Variants in LYPD6B observed in about 807,000 individuals in gnomAD.
LYPD6B encodes ly6/PLAUR domain-containing protein 6B.
LYPD6B carries 17 observed loss-of-function variants against 22.8 expected under a neutral mutation model. That is an observed-to-expected ratio of 0.75 (90% CI 0.51 to 1.12). The LOEUF is 1.12. Ranked by LOEUF, LYPD6B falls within the 50% of genes most tolerant of loss-of-function variation. LYPD6B has a pLI of 0.00. For synonymous variants in LYPD6B, 106 were observed against 91.6 expected, an observed-to-expected ratio of 1.16 and a Z score of -0.90; for missense variants, 221 against 258.3, an observed-to-expected ratio of 0.86 and a Z score of 0.99.
At chr2:149,173,116 G>T (rs1690966781) in intron 3 of LYPD6B, among the ~76,000 whole-genome samples, 1 of 151,306 alleles carries the variant, frequency 6.6e-6, no homozygotes, top group Admixed American at 6.6e-5. Context: ...GAAGAATTTT[G>T]TTTGATTCAG....
chr2:149,177,206 C>G (rs929529046), intron 3 of LYPD6B, among the ~76,000 whole-genome samples: 1 of 152,118 alleles, frequency 6.6e-6, no homozygotes, highest in African/African-American at 2.4e-5. Context: ...ATTTGATTAG[C>G]GTTGCATGGA....
intron 3 of LYPD6B, among the ~76,000 whole-genome samples, chr2:149,204,172 T>G (rs1465895034): frequency 6.6e-6 from 1 of 152,206 alleles, no homozygotes; most frequent in Non-Finnish European, 1.5e-5. Context: ...CATTTGACGC[T>G]CACATTTACC....
chr2:149,064,526 A>G (rs896894826), intron 1 of LYPD6B, among the ~76,000 whole-genome samples: 4 of 152,220 alleles, frequency 2.6e-5, no homozygotes, highest in African/African-American at 9.6e-5. Context: ...GATAGCAATG[A>G]CTATAGTATT....
At chr2:149,141,686 A>G (rs569597432) in intron 2 of LYPD6B, among the ~76,000 whole-genome samples, 10 of 152,254 alleles carry the variant, frequency 6.6e-5, no homozygotes, top group African/African-American at 2.4e-4. Flanking sequence ...CCCTGTACCT[A>G]ATTGGAAGCT....
At chr2:149,162,198 A>G (rs1449699705) in intron 3 of LYPD6B, among the ~76,000 whole-genome samples, 1 of 152,188 alleles carries the variant, frequency 6.6e-6, no homozygotes, top group Non-Finnish European at 1.5e-5. Flanking sequence ...CTCTATTATT[A>G]ACCATCTCTA....
At chr2:149,179,357 A>T (rs1160412439) in intron 3 of LYPD6B, among the ~76,000 whole-genome samples, 1 of 152,260 alleles carries the variant, frequency 6.6e-6, no homozygotes, top group Non-Finnish European at 1.5e-5. Flanking sequence ...GCTATCTGGC[A>T]GTGCCGATGA....
intron 1 of LYPD6B, among the ~76,000 whole-genome samples, chr2:149,057,597 C>T (rs2105308691): frequency 6.6e-6 from 1 of 152,186 alleles, no homozygotes; most frequent in Non-Finnish European, 1.5e-5. Flanking sequence ...TAAATGTTGG[C>T]TTCTCTCTTG....
At chr2:149,120,160 T>A (rs1452761609) in intron 1 of LYPD6B, among the ~76,000 whole-genome samples, 1 of 151,824 alleles carries the variant, frequency 6.6e-6, no homozygotes, top group Non-Finnish European at 1.5e-5. Context: ...TATTATGTCC[T>A]TTGTTTTATT....
intron 3 of LYPD6B, among the ~76,000 whole-genome samples, chr2:149,178,117 C>G (rs1286052780): frequency 6.6e-6 from 1 of 151,840 alleles, no homozygotes; most frequent in Non-Finnish European, 1.5e-5. Flanking sequence ...GAAAAATATC[C>G]TTGACTCCAA....
chr2:149,115,154 G>T (rs908104324), intron 1 of LYPD6B, among the ~76,000 whole-genome samples: 3 of 152,138 alleles, frequency 2.0e-5, no homozygotes, highest in African/African-American at 7.2e-5. Flanking sequence ...GGCCAGGCTG[G>T]TCTTGAACTC....
intron 2 of LYPD6B, chr2:149,143,719 C>T (rs1422391904): frequency 6.6e-6 from 1 of 152,118 alleles, no homozygotes; most frequent in African/African-American, 2.4e-5. Context: ...GCAATTATAA[C>T]TAATTAAATG....
chr2:149,206,227 CTCTGCTTTTCTTTTT>C (rs1693496795), intron 4 of LYPD6B: 3 of 225,472 alleles, frequency 1.3e-5, no homozygotes, highest in Non-Finnish European at 2.8e-5. Flanking sequence ...TATCTTTTTT[CTCTGCTTTTCTTTTT>C]TAAGAAGCTC....
chr2:149,066,973 C>T (rs1000592429), intron 1 of LYPD6B, among the ~76,000 whole-genome samples: 2 of 152,124 alleles, frequency 1.3e-5, no homozygotes, highest in African/African-American at 4.8e-5. Flanking sequence ...CTTCCACTCC[C>T]CTTTAGTAGT....
Position 149,104,104 on chromosome 2 carries a change from A to G in LYPD6B, c.-66-26779A>G, listed in dbSNP as rs533475830. On this transcript the variant is annotated intron_variant, in intron 1 of 6. Transcript: ENST00000409642. ...TGTATATCATTATTTTTACTGCTGAATAACTATCCATTGTATCGTTATGCC... is the reference window on the plus strand; with the variant it reads ...TGTATATCATTATTTTTACTGCTGAGTAACTATCCATTGTATCGTTATGCC... Among the ~76,000 whole-genome samples, 466 of 152,166 alleles carry G rather than the reference A, an allele frequency of 3.1e-3. 2 individuals carry two copies. Among genetic ancestry groups the G allele is most frequent in the African/African-American group, 0.011 (443 of 41,530 alleles).
At chr2:149,106,417 A>C (rs1437554037) in intron 1 of LYPD6B, among the ~76,000 whole-genome samples, 1 of 152,088 alleles carries the variant, frequency 6.6e-6, no homozygotes, top group Non-Finnish European at 1.5e-5. Context: ...TGTTTTCTTC[A>C]TGGGAAGATT....
At chr2:149,108,109 C>G (rs9798268) in intron 1 of LYPD6B, among the ~76,000 whole-genome samples, 44,952 of 152,028 alleles carry the variant, frequency 0.3, 7,544 homozygotes, top group Non-Finnish European at 0.37. Context: ...GTGCTGTTCT[C>G]TTGATAGTAA....
intron 1 of LYPD6B, among the ~76,000 whole-genome samples, chr2:149,122,971 TCAA>T (rs1687469452): frequency 6.6e-6 from 1 of 152,224 alleles, no homozygotes. Context: ...AGGACCACTT[TCAA>T]TGTGGAGTGT....
intron 1 of LYPD6B, among the ~76,000 whole-genome samples, chr2:149,079,291 T>C (rs1685015709): frequency 6.6e-6 from 1 of 152,132 alleles, no homozygotes; most frequent in Non-Finnish European, 1.5e-5. Flanking sequence ...ACTCTAGCTG[T>C]ACTGTTCTGG....
intron 3 of LYPD6B, among the ~76,000 whole-genome samples, chr2:149,190,883 C>T (rs1692443289): frequency 6.6e-6 from 1 of 152,110 alleles, no homozygotes; most frequent in East Asian, 1.9e-4. Flanking sequence ...TTTTGTTATA[C>T]ATACAGAAGT....
Sources: gnomAD v4.1 joint callset for allele counts (sites outside exome capture counted in the v4.1 genomes callset) on GRCh38, gnomAD v4.1.1 for gene constraint, MANE v1.5 for transcripts, NCBI Gene and HGNC (gene_info 2026-07-23, HGNC 2026-07-21) for gene names.